Variants in CRADD observed in about 807,000 individuals in gnomAD.
CRADD encodes the protein death domain-containing protein CRADD.
Under a neutral mutation model 15.5 loss-of-function variants are expected in CRADD, and 9 were observed. The ratio of observed to expected loss-of-function variants is 0.58; its 90% CI spans 0.35 to 1.01. CRADD has a LOEUF of 1.01. Among genes scored for constraint, CRADD ranks in the 50% least tolerant of loss-of-function variants. The pLI is 0.02. For synonymous variants in CRADD, 118 were observed against 107.6 expected (o/e 1.10, Z -0.60); for missense variants, 227 against 250.3 (o/e 0.91, Z 0.63).
At chr12:93,723,671 C>T (rs1956303809) in intron 2 of CRADD, among the ~76,000 whole-genome samples, 1 of 152,180 alleles carries the variant, frequency 6.6e-6, no homozygotes, top group Admixed American at 6.5e-5. Context: ...ACCTGCTGTT[C>T]AGTGCATCGG....
At chr12:93,857,588 A>G (rs1037195970) in intron 2 of CRADD, among the ~76,000 whole-genome samples, 10 of 152,258 alleles carry the variant, frequency 6.6e-5, no homozygotes, top group Non-Finnish European at 1.5e-4. Flanking sequence ...GTGTTGCTAC[A>G]TGGGAATACC....
chr12:93,788,772 G>A (rs1957313363), intron 2 of CRADD, among the ~76,000 whole-genome samples: 1 of 152,050 alleles, frequency 6.6e-6, no homozygotes, highest in Non-Finnish European at 1.5e-5. Context: ...ACCTATACAA[G>A]GTTCAGTTTT....
At chr12:93,693,270 A>G (rs1273623706) in intron 2 of CRADD, among the ~76,000 whole-genome samples, 1 of 152,148 alleles carries the variant, frequency 6.6e-6, no homozygotes, top group Non-Finnish European at 1.5e-5. Flanking sequence ...AATGGATTAA[A>G]TTCTCCAGTT....
chr12:93,884,473 C>G (rs1958522321), intron 2 of CRADD, among the ~76,000 whole-genome samples: 1 of 152,178 alleles, frequency 6.6e-6, no homozygotes, highest in African/African-American at 2.4e-5. Flanking sequence ...ATGAAGCCTA[C>G]TATTTCCCGA....
intron 2 of CRADD, among the ~76,000 whole-genome samples, chr12:93,701,220 G>C (rs1444443644): frequency 6.6e-6 from 1 of 151,802 alleles, no homozygotes; most frequent in Non-Finnish European, 1.5e-5. Flanking sequence ...ATTTTAACAA[G>C]ATGGAAGGTT....
At chr12:93,722,408 G>A (rs1956280786) in intron 2 of CRADD, among the ~76,000 whole-genome samples, 1 of 151,786 alleles carries the variant, frequency 6.6e-6, no homozygotes, top group Non-Finnish European at 1.5e-5. Context: ...GCAATTCTCA[G>A]CCTATATTGT....
rs138781030 is a variant in CRADD, at chr12:93,780,245, T to C, written c.299-69725T>C. On this transcript the variant is annotated intron_variant, in intron 2 of 2. Coordinates refer to ENST00000332896, the MANE Select transcript of CRADD (RefSeq NM_003805.5). ...GATGTTCAAACTGGAATGTGTAACA[T>C]AAACATAGTTAAGGATAAACTGAAG... Among the ~76,000 whole-genome samples, 204 of 152,336 alleles carry C rather than the reference T, an allele frequency of 1.3e-3. 1 individual carries two copies. The highest frequency in any genetic ancestry group is 2.1e-3 in the Non-Finnish European group (141 of 68,034).
At chr12:93,701,880 T>C (rs1337039223) in intron 2 of CRADD, among the ~76,000 whole-genome samples, 2 of 152,148 alleles carry the variant, frequency 1.3e-5, no homozygotes, top group African/African-American at 4.8e-5. Flanking sequence ...TAATCTCTGC[T>C]TCTCAAAATC....
chr12:93,818,516 A>G (rs1034737954), intron 2 of CRADD, among the ~76,000 whole-genome samples: 1 of 152,080 alleles, frequency 6.6e-6, no homozygotes, highest in African/African-American at 2.4e-5. Context: ...CCCTTCCTAG[A>G]CGGGTTTTGT....
chr12:93,864,959 C>T (rs1958352218), intron 2 of CRADD, among the ~76,000 whole-genome samples: 2 of 152,094 alleles, frequency 1.3e-5, no homozygotes, highest in African/African-American at 2.4e-5. Context: ...GTGTCAGGCA[C>T]GGAATAAATA....
At chr12:93,825,593 C>G (rs1018908272) in intron 2 of CRADD, among the ~76,000 whole-genome samples, 5 of 152,194 alleles carry the variant, frequency 3.3e-5, no homozygotes, top group African/African-American at 9.7e-5. Flanking sequence ...TCATATTTGT[C>G]ATACAGCGGA....
chr12:93,868,380 C>A (rs1479451754), intron 2 of CRADD, among the ~76,000 whole-genome samples: 4 of 152,186 alleles, frequency 2.6e-5, no homozygotes, highest in Non-Finnish European at 5.9e-5. Flanking sequence ...TTGAAAGAGA[C>A]CTAATTCATA....
In CRADD at chr12:93,760,491, G is replaced by A. The variant is rs144297795; in HGVS notation, c.298+81419G>A. On this transcript the variant is annotated intron_variant, in intron 2 of 2. Coordinates refer to ENST00000332896, the MANE Select transcript of CRADD (RefSeq NM_003805.5). ...AAAATGAGCTAGGTTAGCAGTGTCC[G>A]TTTTCTGTTTTTAGAAAATAAGATG... Among the ~76,000 whole-genome samples the A allele has an allele frequency of 4.3e-4, 66 of 152,206 alleles. 3 individuals are homozygous for A. The highest frequency in any genetic ancestry group is 4.2e-4 in the South Asian group (2 of 4,814).
chr12:93,764,022 C>G (rs181152287), intron 2 of CRADD, among the ~76,000 whole-genome samples: 2 of 152,266 alleles, frequency 1.3e-5, no homozygotes, highest in Admixed American at 1.3e-4. Context: ...TTTATTCAGT[C>G]TGGTGGGCAG....
At chr12:93,739,418 A>G (rs1956635913) in intron 2 of CRADD, among the ~76,000 whole-genome samples, 4 of 151,838 alleles carry the variant, frequency 2.6e-5, no homozygotes, top group Admixed American at 2.6e-4. Context: ...TCCTGTTTTT[A>G]GGCTATGCTG....
intron 2 of CRADD, among the ~76,000 whole-genome samples, chr12:93,817,830 C>T (rs1409064438): frequency 6.6e-6 from 1 of 152,144 alleles, no homozygotes; most frequent in African/African-American, 2.4e-5. Flanking sequence ...GTCAGGGATC[C>T]TGTTGGCCTG....
chr12:93,743,435 G>C (rs1213392828), intron 2 of CRADD, among the ~76,000 whole-genome samples: 1 of 152,052 alleles, frequency 6.6e-6, no homozygotes, highest in African/African-American at 2.4e-5. Flanking sequence ...AGGCTTAAGC[G>C]ATCCTCCCAC....
intron 2 of CRADD, among the ~76,000 whole-genome samples, chr12:93,773,073 A>G (rs1957101341): frequency 6.6e-6 from 1 of 152,204 alleles, no homozygotes; most frequent in Non-Finnish European, 1.5e-5. Context: ...CTGAGACTCA[A>G]TTTCCTCATC....
chr12:93,862,273 G>T (rs1044905506), intron 2 of CRADD, among the ~76,000 whole-genome samples: 1 of 152,196 alleles, frequency 6.6e-6, no homozygotes, highest in Non-Finnish European at 1.5e-5. Flanking sequence ...ACTCCCATGA[G>T]AAGTTGAAAA....
Sources: allele counts gnomAD v4.1 joint callset (sites outside exome capture counted in the v4.1 genomes callset), GRCh38; gene constraint gnomAD v4.1.1; transcripts MANE v1.5; gene names NCBI Gene and HGNC (gene_info 2026-07-23, HGNC 2026-07-21).